The following NPAS3 variants were observed in gnomAD, a reference collection of about 807,000 sequenced individuals.
NPAS3 encodes neuronal PAS domain protein 3.
A neutral mutation model predicts 73.1 loss-of-function variants in NPAS3; 14 were observed. The observed-to-expected ratio is 0.19, with a 90% confidence interval of 0.13 to 0.30. NPAS3 has a LOEUF of 0.30. Ranked by LOEUF, NPAS3 falls within the 10% of genes least tolerant of loss-of-function variation. NPAS3 has a pLI of 1.00. For synonymous variants in NPAS3, 620 were observed against 541.5 expected (o/e 1.14, Z -2.01); for missense variants, 1,096 against 1,250.0 (o/e 0.88, Z 1.86).
intron 5 of NPAS3, among the ~76,000 whole-genome samples, chr14:33,627,637 C>T (rs1441135692): frequency 6.6e-6 from 1 of 152,160 alleles, no homozygotes; most frequent in Non-Finnish European, 1.5e-5. Flanking sequence ...ACGCACATAA[C>T]TTTGCACAGT....
chr14:33,355,985 C>T (rs915067899), intron 3 of NPAS3, among the ~76,000 whole-genome samples: 3 of 152,242 alleles, frequency 2.0e-5, no homozygotes, highest in African/African-American at 7.2e-5. Context: ...CCTTTGTTCA[C>T]TCTTTGGTGG....
chr14:33,374,299 T>G (rs2046223889), intron 4 of NPAS3, among the ~76,000 whole-genome samples: 1 of 152,160 alleles, frequency 6.6e-6, no homozygotes, highest in Non-Finnish European at 1.5e-5. Context: ...CTGTTAAGGA[T>G]CAGATTTAGA....
intron 3 of NPAS3, among the ~76,000 whole-genome samples, chr14:33,250,705 C>T (rs778921589): frequency 3.9e-5 from 6 of 152,020 alleles, no homozygotes; most frequent in Non-Finnish European, 8.8e-5. Flanking sequence ...GAATGATCCT[C>T]TTTTTTTCCT....
At chr14:33,397,043 C>A (rs965589043) in intron 4 of NPAS3, among the ~76,000 whole-genome samples, 1 of 151,998 alleles carries the variant, frequency 6.6e-6, no homozygotes, top group African/African-American at 2.4e-5. Flanking sequence ...GTTTAAGGGG[C>A]CTGTCTATCA....
At chr14:33,476,074 CAT>C (rs1252767149) in intron 4 of NPAS3, among the ~76,000 whole-genome samples, 1 of 152,192 alleles carries the variant, frequency 6.6e-6, no homozygotes, top group Non-Finnish European at 1.5e-5. Flanking sequence ...GACTTGCAAA[CAT>C]AACGATGGTT....
chr14:33,103,867 T>C (rs1160428080), intron 2 of NPAS3, among the ~76,000 whole-genome samples: 1 of 152,016 alleles, frequency 6.6e-6, no homozygotes, highest in Non-Finnish European at 1.5e-5. Context: ...TCAGTGAGGG[T>C]AGAGCTGCAG....
intron 7 of NPAS3, among the ~76,000 whole-genome samples, chr14:33,737,096 C>T (rs2061541739): frequency 6.6e-6 from 1 of 152,142 alleles, no homozygotes; most frequent in Non-Finnish European, 1.5e-5. Context: ...GGTGCAGAGC[C>T]AGGGTTTGAA....
intron 3 of NPAS3, among the ~76,000 whole-genome samples, chr14:33,224,786 A>G (rs7158134): frequency 2.6e-4 from 39 of 152,186 alleles, no homozygotes; most frequent in African/African-American, 9.4e-4. Flanking sequence ...ACATTTTATC[A>G]TGTTATGATT....
chr14:33,342,477 T>C (rs925998883), intron 3 of NPAS3, among the ~76,000 whole-genome samples: 1 of 152,196 alleles, frequency 6.6e-6, no homozygotes, highest in African/African-American at 2.4e-5. Flanking sequence ...GGTTACCTGG[T>C]GTGAAGCTCC....
chr14:32,965,227 T>G (rs1402240610), intron 1 of NPAS3, among the ~76,000 whole-genome samples: 1 of 152,076 alleles, frequency 6.6e-6, no homozygotes, highest in Non-Finnish European at 1.5e-5. Context: ...AAGGCTAACA[T>G]TACCCTGATA....
chr14:33,120,935 G>A (rs531937007), intron 2 of NPAS3, among the ~76,000 whole-genome samples: 61 of 152,166 alleles, frequency 4.0e-4, no homozygotes, highest in Non-Finnish European at 7.1e-4. Context: ...ACTCTAGTTC[G>A]TAATGGGTCT....
At chr14:33,417,233 A>G (rs1213897825) in intron 4 of NPAS3, among the ~76,000 whole-genome samples, 7 of 152,076 alleles carry the variant, frequency 4.6e-5, no homozygotes, top group Admixed American at 4.6e-4. Flanking sequence ...AAAATCCTCA[A>G]AAATCACTTA....
At chr14:33,750,898 A>G (rs1262718208) in intron 7 of NPAS3, among the ~76,000 whole-genome samples, 1 of 152,232 alleles carries the variant, frequency 6.6e-6, no homozygotes, top group Non-Finnish European at 1.5e-5. Flanking sequence ...TCTGTCTGGT[A>G]TAAAAGGAGA....
Position 33,800,742 on chromosome 14 carries a change from C to A in NPAS3, c.2435C>A (p.Thr812Asn). Residue 812 changes from threonine to asparagine, a missense_variant, in exon 12 of 12, where the codon ACC becomes AAC. Thr to Asn is a moderately conservative substitution (Grantham distance 65). Coordinates refer to ENST00000356141, the Ensembl canonical transcript of NPAS3. The surrounding 1 kb of genome is among the most constrained non-coding windows in gnomAD (Gnocchi z 6.5). ...CCGCTGGTGCACAGGGTGACCGGGA[C>A]CCTGGCCGCCACCAGCACGGCCGCG... The A allele has an allele frequency of 6.4e-7, 1 of 1,559,380 alleles. No individual in the cohort carries two copies. Among genetic ancestry groups the A allele is most frequent in the Non-Finnish European group, 8.7e-7 (1 of 1,154,186 alleles).
chr14:33,579,071 A>G (rs1952596), intron 5 of NPAS3, among the ~76,000 whole-genome samples: 67,906 of 152,026 alleles, frequency 0.45, 15,827 homozygotes, highest in African/African-American at 0.55. Context: ...GCCCTCATAC[A>G]TGGTTTCTCA....
intron 7 of NPAS3, among the ~76,000 whole-genome samples, chr14:33,743,505 C>T (rs185860459): frequency 1.3e-3 from 199 of 152,260 alleles, no homozygotes; most frequent in African/African-American, 4.5e-3. Context: ...ATTTCTAAAG[C>T]ATAGACAGAC....
chr14:33,130,251 C>A (rs2043585072), intron 2 of NPAS3, among the ~76,000 whole-genome samples: 1 of 152,096 alleles, frequency 6.6e-6, no homozygotes, highest in Admixed American at 6.6e-5. Context: ...CCTCTTAAAT[C>A]TCCTTAAAAA....
At chr14:33,778,029 G>A (rs949889441) in intron 8 of NPAS3, among the ~76,000 whole-genome samples, 5 of 152,156 alleles carry the variant, frequency 3.3e-5, no homozygotes, top group Non-Finnish European at 7.3e-5. Flanking sequence ...CCTTTTTCAT[G>A]GAAATACCCA....
intron 3 of NPAS3, among the ~76,000 whole-genome samples, chr14:33,275,443 T>C (rs1317789755): frequency 2.0e-5 from 3 of 152,248 alleles, no homozygotes; most frequent in Admixed American, 6.5e-5. Flanking sequence ...TTATAAAATG[T>C]AGCCCACCAC....
Sources: gnomAD v4.1 joint callset for allele counts (sites outside exome capture counted in the v4.1 genomes callset) on GRCh38, gnomAD v4.1.1 for gene constraint, Gnocchi (gnomAD v3.1) non-coding constraint, MANE v1.5 for transcripts, NCBI Gene and HGNC (gene_info 2026-07-23, HGNC 2026-07-21) for gene names.